FKBP2: variants seen among roughly 807,000 people sequenced by gnomAD.
FKBP2 encodes FKBP prolyl isomerase 2, also known as peptidyl-prolyl cis-trans isomerase FKBP2.
A neutral mutation model predicts 19.4 loss-of-function variants in FKBP2; 15 were observed. The ratio of observed to expected loss-of-function variants is 0.77; its 90% CI spans 0.52 to 1.19. The LOEUF is 1.19. Ranked by LOEUF, FKBP2 falls within the 50% of genes most tolerant of loss-of-function variation. FKBP2 has a pLI of 0.00. For missense variants in FKBP2, 170 were observed against 179.0 expected (o/e 0.95, Z 0.29); for synonymous variants, 76 against 74.8 (o/e 1.02, Z -0.08).
At position 64,243,252 on chromosome 11, in the gene FKBP2, C is replaced by CT; in HGVS notation, c.228dup (p.Val77CysfsTer22). The stretch of plus-strand genomic sequence containing the variant: ...ACAGCAGCCTGCCCCAGAACCAGCC[C>CT]TTTGTCTTCTCCCTTGGCACAGGCC... On this transcript the variant is annotated frameshift_variant, in exon 3 of 6. Transcript: ENST00000309366. LOFTEE classifies it high-confidence loss of function. 1.2e-6 allele frequency: 2 copies of CT among 1,613,272 alleles called. No individual in the cohort carries two copies. The highest frequency in any genetic ancestry group is 1.1e-5 in the South Asian group (1 of 91,016).
At chr11:64,242,779 TAAA>T (rs2030614540) in intron 2 of FKBP2, among the ~76,000 whole-genome samples, 1 of 152,198 alleles carries the variant, frequency 6.6e-6, no homozygotes, top group South Asian at 2.1e-4. Context: ...TCTGTCCTCT[TAAA>T]GAACTATGAC....
In FKBP2 at chr11:64,241,106, G is replaced by C. The variant is rs2030449995; in HGVS notation, c.-31G>C. 6.5e-6 allele frequency: 1 copy of C among 152,716 alleles called. No individual in the cohort carries two copies. Among genetic ancestry groups the C allele is most frequent in the Non-Finnish European group, 1.5e-5 (1 of 68,412 alleles). The allele number at this position is 152,716 out of a possible 1,614,324, so 9.5% of individuals were successfully genotyped here. On this transcript the variant is annotated 5_prime_UTR_variant, in exon 1 of 6. Transcript: ENST00000309366. ...TGCGCAGAGGCGGCAGCACCACCGG[G>C]GTTGACTCCGGGGGCGCGGCGAGGA...
At chr11:64,242,209 G>T in intron 1 of FKBP2, 175 bp from the exon 2 acceptor site, 1 of 565,170 alleles carries the variant, frequency 1.8e-6, no homozygotes, top group Non-Finnish European at 2.9e-6. Flanking sequence ...CTTCTCACTG[G>T]ACTGGTAAGT....
At chr11:64,242,142 C>T (rs2030547139) in intron 1 of FKBP2, 5 of 448,292 alleles carry the variant, frequency 1.1e-5, no homozygotes, top group Non-Finnish European at 2.0e-5. Flanking sequence ...GGGTCCCTGG[C>T]TGCTGTGGCC....
chr11:64,241,509 A>T (rs1234441822), intron 1 of FKBP2, among the ~76,000 whole-genome samples: 1 of 124,440 alleles, frequency 8.0e-6, no homozygotes, highest in Non-Finnish European at 1.7e-5. Context: ...GACGGAGCGG[A>T]GGCGCTGGGG....
At chr11:64,242,596 GC>G in intron 2 of FKBP2, 38 bp downstream of exon 2, 1 of 1,518,978 alleles carries the variant, frequency 6.6e-7, no homozygotes, top group Non-Finnish European at 8.8e-7. Flanking sequence ...AGTGGGTGGG[GC>G]TTCCGAGGAC....
chr11:64,243,685 A>C (rs993422192), intron 4 of FKBP2, 156 bp from the exon 5 acceptor site: 1 of 1,196,862 alleles, frequency 8.4e-7, no homozygotes. Context: ...TAGTGGCCCC[A>C]CTCTGCCCTT....
chr11:64,241,804 C>T (rs1465570138), intron 1 of FKBP2: 1 of 152,484 alleles, frequency 6.6e-6, no homozygotes, highest in Admixed American at 6.5e-5. Context: ...TCTGGGTGCC[C>T]CGGAGACCCC....
rs145250210 is a variant in FKBP2 at position 64,242,528 on chromosome 11, C to T, written c.141C>T (p.Arg47=). 51 of 1,552,148 alleles carry T rather than the reference C, an allele frequency of 3.3e-5. No homozygotes were observed. In the African/African-American group the frequency reaches 7.1e-4, roughly 22 times the overall value. ...TGGACCACTGTCCCATCAAATCGCG[C>T]AAAGGGGATGTCCTGCACATGCACT... ...KRVDHCPIKS[R]KGDVLHMHYT... is the part of the protein sequence containing the mutation. Residue 47 remains arginine, a synonymous_variant, in exon 2 of 6, where the codon CGC becomes CGT. Transcript: ENST00000309366.
In FKBP2 at chr11:64,244,082, CA is replaced by C. The variant is rs368428015; in HGVS notation, c.*63del. 949 of 1,268,656 alleles carry C rather than the reference CA, an allele frequency of 7.5e-4. No homozygotes were observed. Among genetic ancestry groups the C allele is most frequent in the Non-Finnish European group, 8.2e-4 (750 of 919,604 alleles). 78.6% of individuals were successfully genotyped at this position (1,268,656 alleles called of 1,614,324 possible). On this transcript the variant is annotated 3_prime_UTR_variant, in exon 6 of 6. Coordinates refer to ENST00000309366, the MANE Select transcript of FKBP2 (RefSeq NM_004470.4). The stretch of plus-strand genomic sequence containing the variant: ...GCCCCCATCAGGGACCAGACTGTTC[CA>C]AAAAAAAAACAAAAAACAAAAACAA...
chr11:64,244,134 G>A (rs1010539296), downstream of FKBP2: 2 of 1,257,962 alleles, frequency 1.6e-6, no homozygotes, highest in East Asian at 2.5e-5. Flanking sequence ...AAAGCCCAAG[G>A]AGTAAGCCTG....
chr11:64,243,703 C>A lies in FKBP2; in HGVS notation c.332-138C>A. 9.1e-6 allele frequency: 12 copies of A among 1,316,116 alleles called. No individual in the cohort carries two copies. In the South Asian group the frequency reaches 1.4e-4, roughly 15 times the overall value. The allele number at this position is 1,316,116 out of a possible 1,614,324, so 81.5% of individuals were successfully genotyped here. A position where few individuals can be genotyped will look rare whatever the true frequency, so the allele number is the denominator to read the frequency against. Reference sequence around the variant, plus strand: ...TGGCCCCACTCTGCCCTTGCCAGGCCTTTGGCACCCCCTTCCCATCTCCAT... The same window carrying A: ...TGGCCCCACTCTGCCCTTGCCAGGCATTTGGCACCCCCTTCCCATCTCCAT... On this transcript the variant is annotated intron_variant, in intron 4 of 5. Transcript: ENST00000309366.
At chr11:64,242,764 A>G (rs2030612455) in intron 2 of FKBP2, among the ~76,000 whole-genome samples, 1 of 152,188 alleles carries the variant, frequency 6.6e-6, no homozygotes, top group African/African-American at 2.4e-5. Context: ...TGAGCTGCCC[A>G]AGGCTCTGTC....
chr11:64,242,533 G>T lies in FKBP2; in HGVS notation c.146G>T (p.Gly49Val). The T allele has an allele frequency of 6.4e-7, 1 of 1,553,718 alleles. No individual in the cohort carries two copies. Among genetic ancestry groups the T allele is most frequent in the Non-Finnish European group, 8.6e-7 (1 of 1,156,446 alleles). ...CACTGTCCCATCAAATCGCGCAAAGGGGATGTCCTGCACATGCACTACACG... is the reference window on the plus strand; with the variant it reads ...CACTGTCCCATCAAATCGCGCAAAGTGGATGTCCTGCACATGCACTACACG... ...VDHCPIKSRK[G>V]DVLHMHYTGK... The change falls in exon 2 of 6, where the codon GGG becomes GTG. Residue 49 changes from glycine (G) to valine (V), a missense_variant. Physicochemically the swap from Gly to Val is moderately radical, Grantham distance 109 (BLOSUM62 -3). Coordinates refer to ENST00000309366, the MANE Select transcript of FKBP2 (RefSeq NM_004470.4).
chr11:64,242,139 TG>T, intron 1 of FKBP2: 1 of 446,440 alleles, frequency 2.2e-6, no homozygotes, highest in South Asian at 3.5e-5. Context: ...GGCGGGTCCC[TG>T]GCTGCTGTGG....
rs769704880 is a variant in FKBP2, at chr11:64,242,527, G to A, written c.140G>A (p.Arg47His). The A allele has an allele frequency of 4.3e-5, 66 of 1,552,652 alleles. No individual in the cohort carries two copies. The highest frequency in any genetic ancestry group is 5.6e-5 in the Non-Finnish European group (65 of 1,155,730). The change falls in exon 2 of 6, where the codon CGC becomes CAC. Residue 47 changes from arginine (R) to histidine (H), a missense_variant. Transcript: ENST00000309366. ...GTGGACCACTGTCCCATCAAATCGC[G>A]CAAAGGGGATGTCCTGCACATGCAC... ...KRVDHCPIKS[R>H]KGDVLHMHYT... is the part of the protein sequence containing the mutation.
chr11:64,243,639 G>A (rs2030702637), intron 4 of FKBP2, 142 bp downstream of exon 4: 2 of 1,226,574 alleles, frequency 1.6e-6, no homozygotes, highest in African/African-American at 3.0e-5. Context: ...GTGTCTAGCA[G>A]TGAGTACAGG....
Position 64,243,905 on chromosome 11 carries a change from C to G in FKBP2, c.367+29C>G. 6.2e-7 allele frequency: 1 copy of G among 1,614,096 alleles called. No homozygotes were observed. The highest frequency in any genetic ancestry group is 1.1e-5 in the South Asian group (1 of 91,082). On this transcript the variant is annotated intron_variant, in intron 5 of 5. Coordinates refer to ENST00000309366, the MANE Select transcript of FKBP2 (RefSeq NM_004470.4). ...GTAAACCTTTTGATACCTCCCATCA[C>G]CTGCAGCCAGCCCACCTCCCTGTGG...
At position 64,243,211 on chromosome 11, in the gene FKBP2, G is replaced by A. The variant is rs778973861; in HGVS notation, c.184G>A (p.Asp62Asn). Residue 62 changes from aspartate (D) to asparagine (N), a missense_variant, in exon 3 of 6, where the codon GAT (aspartate) becomes AAT (asparagine). Physicochemically the swap from Asp to Asn is conservative, Grantham distance 23 (BLOSUM62 1). Transcript: ENST00000309366. ...LHMHYTGKLEDGTEFDSSLPQ... is the reference protein window; with the variant it reads ...LHMHYTGKLENGTEFDSSLPQ... Reference sequence around the variant, plus strand: ...CATGGTTCCACAGGGGAAGCTGGAAGATGGGACAGAGTTTGACAGCAGCCT... The same window carrying A: ...CATGGTTCCACAGGGGAAGCTGGAAAATGGGACAGAGTTTGACAGCAGCCT... The A allele has an allele frequency of 1.2e-6, 2 of 1,613,746 alleles. No homozygotes were observed. The highest frequency in any genetic ancestry group is 1.7e-6 in the Non-Finnish European group (2 of 1,179,982).
Sources: allele counts gnomAD v4.1 joint callset (sites outside exome capture counted in the v4.1 genomes callset), GRCh38; gene constraint gnomAD v4.1.1; transcripts MANE v1.5; gene names NCBI Gene and HGNC (gene_info 2026-07-23, HGNC 2026-07-21).